Variants in CCBE1 observed in about 807,000 individuals in gnomAD.
CCBE1 encodes collagen and calcium binding EGF domains 1, also known as collagen and calcium-binding EGF domain-containing protein 1.
A neutral mutation model predicts 50.0 loss-of-function variants in CCBE1; 37 were observed. The ratio of observed to expected loss-of-function variants is 0.74; its 90% CI spans 0.57 to 0.97. CCBE1 has a LOEUF of 0.97. Among genes scored for constraint, CCBE1 ranks in the 50% least tolerant of loss-of-function variants. CCBE1 has a pLI of 0.00. For synonymous variants in CCBE1, 234 were observed against 203.7 expected (o/e 1.15, Z -1.27); for missense variants, 538 against 523.8 (o/e 1.03, Z -0.26).
intron 5 of CCBE1, among the ~76,000 whole-genome samples, chr18:59,455,770 G>GT (rs1476549773): frequency 6.6e-6 from 1 of 152,216 alleles, no homozygotes; most frequent in East Asian, 1.9e-4. Flanking sequence ...CTGTGCCAAA[G>GT]GTGGCAGCAG....
chr18:59,555,257 T>C (rs1431292584), intron 2 of CCBE1, among the ~76,000 whole-genome samples: 2 of 152,216 alleles, frequency 1.3e-5, no homozygotes, highest in African/African-American at 4.8e-5. Context: ...GACTAAAAGT[T>C]TAAAAGACCA....
chr18:59,478,938 G>A (rs1352948699), intron 3 of CCBE1, among the ~76,000 whole-genome samples: 1 of 152,310 alleles, frequency 6.6e-6, no homozygotes, highest in African/African-American at 2.4e-5. Flanking sequence ...CACGTGGAGC[G>A]ATTCCCAGCC....
At chr18:59,614,231 C>G (rs1363243299) in intron 2 of CCBE1, among the ~76,000 whole-genome samples, 1 of 152,130 alleles carries the variant, frequency 6.6e-6, no homozygotes, top group Non-Finnish European at 1.5e-5. Context: ...AACTCCTGAC[C>G]TCAAATGATC....
At chr18:59,493,664 C>T (rs1913215632) in intron 2 of CCBE1, among the ~76,000 whole-genome samples, 1 of 152,114 alleles carries the variant, frequency 6.6e-6, no homozygotes, top group Non-Finnish European at 1.5e-5. Flanking sequence ...CTTCCCTGAA[C>T]TGCGTGTTAC....
upstream of CCBE1, chr18:59,697,472 G>A: frequency 1.6e-6 from 2 of 1,226,232 alleles, no homozygotes; most frequent in Non-Finnish European, 2.2e-6. Context: ...TGCACCACCT[G>A]CACGGGGAGC....
At chr18:59,477,158 C>T (rs1444117622) in intron 3 of CCBE1, among the ~76,000 whole-genome samples, 3 of 152,214 alleles carry the variant, frequency 2.0e-5, no homozygotes, top group Non-Finnish European at 4.4e-5. Context: ...GCTGGGGTGA[C>T]TGATCCTGGC....
chr18:59,646,511 C>G (rs2054057016), intron 2 of CCBE1, among the ~76,000 whole-genome samples: 1 of 152,156 alleles, frequency 6.6e-6, no homozygotes. Flanking sequence ...TGGGTTGGGA[C>G]AGAGCTTACA....
At chr18:59,477,565 TGC>T (rs1912372168) in intron 3 of CCBE1, among the ~76,000 whole-genome samples, 1 of 146,082 alleles carries the variant, frequency 6.8e-6, no homozygotes, top group Non-Finnish European at 1.5e-5. Flanking sequence ...TGTGTGTGTG[TGC>T]ACCTGCATGC....
chr18:59,604,841 A>C (rs1448919903), intron 2 of CCBE1, among the ~76,000 whole-genome samples: 1 of 152,228 alleles, frequency 6.6e-6, no homozygotes, highest in African/African-American at 2.4e-5. Context: ...CAAGTCTCTT[A>C]AAATGTATCA....
intron 5 of CCBE1, among the ~76,000 whole-genome samples, chr18:59,463,337 C>T (rs4940875): frequency 0.34 from 52,160 of 152,044 alleles, 9,001 homozygotes; most frequent in African/African-American, 0.41. Context: ...AAGTGATCCT[C>T]CCATCTCAGC....
intron 5 of CCBE1, among the ~76,000 whole-genome samples, chr18:59,461,729 C>CTATTT (rs1911487000): frequency 9.1e-6 from 1 of 109,338 alleles, no homozygotes; most frequent in Non-Finnish European, 1.7e-5. Flanking sequence ...CAGGTGTAAT[C>CTATTT]TTTTTTTTTT....
chr18:59,606,485 G>A (rs1332254258), intron 2 of CCBE1, among the ~76,000 whole-genome samples: 1 of 152,130 alleles, frequency 6.6e-6, no homozygotes, highest in East Asian at 1.9e-4. Flanking sequence ...ATTACAAACT[G>A]TCTTCAAAGA....
At chr18:59,440,845 T>G (rs999096506) in intron 7 of CCBE1, among the ~76,000 whole-genome samples, 1 of 152,134 alleles carries the variant, frequency 6.6e-6, no homozygotes, top group Non-Finnish European at 1.5e-5. Context: ...AACTCTAGCA[T>G]GGAGTAAGTA....
intron 2 of CCBE1, among the ~76,000 whole-genome samples, chr18:59,610,514 T>G (rs2053554070): frequency 6.6e-6 from 1 of 151,842 alleles, no homozygotes; most frequent in Non-Finnish European, 1.5e-5. Flanking sequence ...AAGCAGTACT[T>G]GATAGAACAA....
intron 2 of CCBE1, among the ~76,000 whole-genome samples, chr18:59,574,853 T>C (rs1439508446): frequency 6.6e-6 from 1 of 152,154 alleles, no homozygotes; most frequent in Non-Finnish European, 1.5e-5. Flanking sequence ...CCCTCTAAAA[T>C]TCATATATGT....
intron 2 of CCBE1, among the ~76,000 whole-genome samples, chr18:59,644,896 G>A (rs1003773444): frequency 6.6e-6 from 1 of 152,176 alleles, no homozygotes; most frequent in Non-Finnish European, 1.5e-5. Flanking sequence ...CAGTGAAAAA[G>A]AGATTATCTC....
intron 2 of CCBE1, among the ~76,000 whole-genome samples, chr18:59,522,732 G>A (rs1598976148): frequency 6.6e-6 from 1 of 152,148 alleles, no homozygotes; most frequent in Non-Finnish European, 1.5e-5. Context: ...GCTCACGCCT[G>A]TAATCCCAGC....
At chr18:59,676,566 A>T (rs554461822) in intron 2 of CCBE1, among the ~76,000 whole-genome samples, 1 of 152,374 alleles carries the variant, frequency 6.6e-6, no homozygotes, top group East Asian at 1.9e-4. Context: ...ACCATACAGT[A>T]ATATGTATTC....
chr18:59,601,349 C>T (rs1454244700), intron 2 of CCBE1, among the ~76,000 whole-genome samples: 1 of 151,984 alleles, frequency 6.6e-6, no homozygotes. Flanking sequence ...CTTTCCCATG[C>T]TGTTCTCATG....
Sources: gnomAD v4.1 joint callset for allele counts (sites outside exome capture counted in the v4.1 genomes callset) on GRCh38, gnomAD v4.1.1 for gene constraint, MANE v1.5 for transcripts, NCBI Gene and HGNC (gene_info 2026-07-23, HGNC 2026-07-21) for gene names.